FER: variants seen among roughly 807,000 people sequenced by gnomAD.
The protein encoded by FER is tyrosine-protein kinase Fer.
Under a neutral mutation model 111.0 loss-of-function variants are expected in FER, and 63 were observed. The ratio of observed to expected loss-of-function variants is 0.57; its 90% CI spans 0.46 to 0.70. The LOEUF (loss-of-function observed/expected upper bound fraction) is 0.70. FER is among the 30% of genes least tolerant of loss of function. The pLI is 0.00. For synonymous variants in FER, 327 were observed against 313.9 expected (o/e 1.04, Z -0.44); for missense variants, 914 against 954.0 (o/e 0.96, Z 0.55).
chr5:109,126,666 G>A (rs1303879806), intron 17 of FER, among the ~76,000 whole-genome samples: 3 of 152,066 alleles, frequency 2.0e-5, no homozygotes, highest in East Asian at 1.9e-4. Flanking sequence ...AGCAGATACC[G>A]GATTGTTTAT....
chr5:109,117,082 T>C (rs1022606658), intron 17 of FER, among the ~76,000 whole-genome samples: 2 of 152,186 alleles, frequency 1.3e-5, no homozygotes, highest in Admixed American at 1.3e-4. Flanking sequence ...TAAGGGACTT[T>C]GTTGGCACTA....
chr5:109,068,084 A>G (rs1775328671), intron 16 of FER, among the ~76,000 whole-genome samples: 1 of 152,048 alleles, frequency 6.6e-6, no homozygotes, highest in Admixed American at 6.6e-5. Context: ...GTATTCCAGA[A>G]TACTCGATTA....
chr5:109,088,567 C>T (rs3797843), intron 16 of FER, among the ~76,000 whole-genome samples: 68,334 of 151,796 alleles, frequency 0.45, 16,122 homozygotes, highest in African/African-American at 0.59. Context: ...AGAGAATTAT[C>T]TGCTGATTGC....
intron 13 of FER, among the ~76,000 whole-genome samples, chr5:108,993,188 G>A (rs186626668): frequency 0.11 from 17,235 of 152,170 alleles, 1,083 homozygotes; most frequent in Middle Eastern, 0.16. Context: ...CAAGGCAGGC[G>A]GCTGGGAGGT....
chr5:109,040,254 GTACT>G (rs1770971098), intron 14 of FER, among the ~76,000 whole-genome samples: 3 of 152,044 alleles, frequency 2.0e-5, no homozygotes, highest in Non-Finnish European at 2.9e-5. Flanking sequence ...TATATAGCTG[GTACT>G]TACCACAATT....
At chr5:109,123,364 G>C (rs1388253733) in intron 17 of FER, among the ~76,000 whole-genome samples, 2 of 151,908 alleles carry the variant, frequency 1.3e-5, no homozygotes, top group South Asian at 4.1e-4. Flanking sequence ...CACCGTGTTA[G>C]CCGGGATGGT....
At chr5:109,058,724 C>CTTTTTTTTTTTTTTTTTTTTTTTT (rs746184286) in intron 16 of FER, among the ~76,000 whole-genome samples, 45 of 76,252 alleles carry the variant, frequency 5.9e-4, no homozygotes, top group African/African-American at 7.0e-4. Context: ...TTCTTTCTTT[C>CTTTTTTTTTTTTTTTTTTTTTTTT]TTTTTTTTTT....
At chr5:108,935,297 G>C (rs1289461857) in intron 10 of FER, among the ~76,000 whole-genome samples, 1 of 152,028 alleles carries the variant, frequency 6.6e-6, no homozygotes, top group Admixed American at 6.6e-5. Context: ...TCTTGTGGCT[G>C]CTGGAGATCC....
At chr5:108,908,700 G>A (rs914061840) in intron 10 of FER, among the ~76,000 whole-genome samples, 11 of 149,158 alleles carry the variant, frequency 7.4e-5, no homozygotes, top group Admixed American at 4.0e-4. Context: ...TAGCCTGGGC[G>A]AGTGAGCGAG....
chr5:109,117,251 C>T (rs1232112590), intron 17 of FER, among the ~76,000 whole-genome samples: 1 of 152,058 alleles, frequency 6.6e-6, no homozygotes. Flanking sequence ...GTCTATTTCT[C>T]TGTACATTGG....
At chr5:108,854,395 T>C (rs765738515) in intron 5 of FER, among the ~76,000 whole-genome samples, 8 of 152,096 alleles carry the variant, frequency 5.3e-5, no homozygotes, top group Non-Finnish European at 1.0e-4. Flanking sequence ...AATGTGAAAA[T>C]TGCACCACAT....
rs6149172 is a variant in FER, at chr5:109,146,253, A to AATATATATAT, written c.2049-34465_2049-34456dup. ...TATCTAATATATATATAATCTATCTAATATATATATATATATATATATATA... is the reference window on the plus strand; with the variant it reads ...TATCTAATATATATATAATCTATCTAATATATATATATATATATATATATATATATATATA... On this transcript the variant is annotated intron_variant, in intron 17 of 19. Transcript: ENST00000281092. Among the ~76,000 whole-genome samples, 266 of 41,988 alleles carry AATATATATAT rather than the reference A, an allele frequency of 6.3e-3. 7 individuals carry two copies. The highest frequency in any genetic ancestry group is 9.5e-3 in the African/African-American group (104 of 10,974). The allele number at this position is 41,988 out of a possible 152,430, so 27.5% of individuals were successfully genotyped here.
At position 109,128,540 on chromosome 5, in the gene FER, T is replaced by C. The variant is rs554981598; in HGVS notation, c.2048+28021T>C. Among the ~76,000 whole-genome samples, 5 of 152,272 alleles carry C rather than the reference T, an allele frequency of 3.3e-5. No individual in the cohort carries two copies. The East Asian group carries it at 9.6e-4, about 29-fold the overall frequency. On this transcript the variant is annotated intron_variant, in intron 17 of 19. Transcript: ENST00000281092. ...AATCAGTGAAAAGGAGGACAGCTTGTCATCATTCTGGTGTTTACTCTCTTG... is the reference window on the plus strand; with the variant it reads ...AATCAGTGAAAAGGAGGACAGCTTGCCATCATTCTGGTGTTTACTCTCTTG...
At chr5:109,007,337 G>T (rs1765626310) in intron 13 of FER, among the ~76,000 whole-genome samples, 1 of 152,134 alleles carries the variant, frequency 6.6e-6, no homozygotes, top group South Asian at 2.1e-4. Flanking sequence ...TTTACATAGA[G>T]AAGTGAAAAT....
At chr5:108,844,992 GTGTGTATA>G (rs1477107516) in intron 5 of FER, among the ~76,000 whole-genome samples, 49 of 38,236 alleles carry the variant, frequency 1.3e-3, no homozygotes, top group African/African-American at 3.5e-3. Context: ...TGGTGTGTGT[GTGTGTATA>G]TATATATATA....
At chr5:108,899,802 CAAA>C (rs759045022) in intron 10 of FER, among the ~76,000 whole-genome samples, 6 of 90,042 alleles carry the variant, frequency 6.7e-5, no homozygotes, top group Non-Finnish European at 4.7e-5. Flanking sequence ...GACTCCATCT[CAAA>C]AAAAAAAAAA....
chr5:109,153,209 TA>T (rs145045504), intron 17 of FER, among the ~76,000 whole-genome samples: 29,689 of 145,706 alleles, frequency 0.2, 2,997 homozygotes, highest in Non-Finnish European at 0.22. Flanking sequence ...GATTTTATGG[TA>T]AAAAAAAAAA....
intron 10 of FER, among the ~76,000 whole-genome samples, chr5:108,935,514 G>T (rs1057375382): frequency 1.3e-5 from 2 of 152,042 alleles, no homozygotes; most frequent in African/African-American, 4.8e-5. Context: ...ACATTCATAG[G>T]TTCTTAGTGG....
rs1759284572 is a variant in FER, at chr5:109,190,258, T to G, written c.*2683T>G. The G allele has an allele frequency of 6.6e-6, 1 of 152,130 alleles. No homozygotes were observed. The highest frequency in any genetic ancestry group is 2.1e-4 in the South Asian group (1 of 4,832). The allele number at this position is 152,130 out of a possible 1,614,324, so 9.4% of individuals were successfully genotyped here. ...AAGGAAGATTCAGAAATGTACAAAA[T>G]CCTGTGATTTGTTTAGTAAGAAAAG... On this transcript the variant is annotated 3_prime_UTR_variant, in exon 20 of 20. Transcript: ENST00000281092.
Sources: allele counts gnomAD v4.1 joint callset (sites outside exome capture counted in the v4.1 genomes callset), GRCh38; gene constraint gnomAD v4.1.1; transcripts MANE v1.5; gene names NCBI Gene and HGNC (gene_info 2026-07-23, HGNC 2026-07-21).